The following PSD2 variants were observed in gnomAD, a reference collection of about 807,000 sequenced individuals.
The protein encoded by PSD2 is PH and SEC7 domain-containing protein 2.
In PSD2, 38 loss-of-function variants were observed where a neutral mutation model predicts 69.8. The ratio of observed to expected loss-of-function variants is 0.54; its 90% confidence interval spans 0.42 to 0.71. The LOEUF (loss-of-function observed/expected upper bound fraction) is 0.71, where lower values mean the gene tolerates loss of function less well. PSD2 is among the 30% of genes least tolerant of loss of function. PSD2 has a pLI of 0.00. For synonymous variants in PSD2, 412 were observed against 423.0 expected (o/e 0.97, Z 0.32); for missense variants, 943 against 1,014.5 (o/e 0.93, Z 0.96).
chr5:139,797,326 A>T (rs565180648), intron 1 of PSD2, among the ~76,000 whole-genome samples: 1 of 152,344 alleles, frequency 6.6e-6, no homozygotes, highest in East Asian at 1.9e-4. Context: ...AGAGCCCCCA[A>T]AAGATTCCCA....
chr5:139,803,986 G>A (rs974887219), intron 1 of PSD2, among the ~76,000 whole-genome samples: 3 of 152,158 alleles, frequency 2.0e-5, no homozygotes, highest in African/African-American at 7.2e-5. Flanking sequence ...GCTGCCAGTG[G>A]CCTAGCAGGT....
At chr5:139,787,856 T>C in the PSD2 span, among the ~76,000 whole-genome samples, 68 of 152,332 alleles carry the variant, frequency 4.5e-4, 1 homozygote, top group East Asian at 0.012. Flanking sequence ...ATCCGTGTTG[T>C]GTAACGGCAC....
the PSD2 span, among the ~76,000 whole-genome samples, chr5:139,759,101 C>G: frequency 6.6e-6 from 1 of 152,054 alleles, no homozygotes; most frequent in Non-Finnish European, 1.5e-5. Context: ...GAAATCTCTG[C>G]CCTGGTCTGG....
chr5:139,776,071 G>A, the PSD2 span, among the ~76,000 whole-genome samples: 1 of 152,192 alleles, frequency 6.6e-6, no homozygotes, highest in African/African-American at 2.4e-5. Flanking sequence ...AGGGGCCCTG[G>A]GGAGAGCTCA....
the PSD2 span, among the ~76,000 whole-genome samples, chr5:139,773,447 GA>G: frequency 6.6e-6 from 1 of 151,970 alleles, no homozygotes; most frequent in African/African-American, 2.4e-5. Context: ...TTTTTCTAGA[GA>G]CAGAGTCTTG....
the PSD2 span, among the ~76,000 whole-genome samples, chr5:139,776,602 C>T: frequency 6.6e-6 from 1 of 152,040 alleles, no homozygotes; most frequent in East Asian, 1.9e-4. Context: ...TGACCATCCC[C>T]TCTATTCACC....
intron 7 of PSD2, 29 bp downstream of exon 7, chr5:139,822,813 G>T: frequency 6.3e-7 from 1 of 1,591,018 alleles, no homozygotes; most frequent in Non-Finnish European, 8.6e-7. Flanking sequence ...GGGGGGTGTC[G>T]CATGTCCTCT....
chr5:139,821,911 C>G lies in PSD2; in HGVS notation c.1116C>G (p.Phe372Leu). 6.2e-7 allele frequency: 1 copy of G among 1,608,172 alleles called. No homozygotes were observed. Among genetic ancestry groups the G allele is most frequent in the Non-Finnish European group, 8.5e-7 (1 of 1,176,650 alleles). ...CTTCCAGAACATTCTTGAAGGCCTT[C>G]CCGCTGATGGGGGAGACACAAGAGC... ...DGALRTFLKA[F>L]PLMGETQERE... Residue 372 changes from phenylalanine (F) to leucine (L), a missense_variant, in exon 6 of 15, where the codon TTC (phenylalanine) becomes TTG (leucine). Around this residue, in one of 3 missense-constraint regions of PSD2, gnomAD observed 312 missense variants for 400.7 expected, o/e 0.78. Transcript: ENST00000274710.
chr5:139,772,857 T>G, the PSD2 span: 1 of 152,210 alleles, frequency 6.6e-6, no homozygotes, highest in Non-Finnish European at 1.5e-5. Flanking sequence ...CCGCAGGCTG[T>G]GAGCTCCAGG....
chr5:139,792,165 G>A (rs556916712), upstream of PSD2, among the ~76,000 whole-genome samples: 9 of 152,074 alleles, frequency 5.9e-5, no homozygotes, highest in Admixed American at 2.6e-4. Context: ...TTGGGGTCGT[G>A]GGGGTGCTGG....
the PSD2 span, among the ~76,000 whole-genome samples, chr5:139,766,928 C>CCTT: frequency 0.013 from 396 of 31,234 alleles, 26 homozygotes; most frequent in African/African-American, 0.043. Context: ...TTCCTTCCTT[C>CCTT]CCTTCTTTCT....
At chr5:139,811,489 A>G (rs890893877) in intron 2 of PSD2, among the ~76,000 whole-genome samples, 5 of 152,136 alleles carry the variant, frequency 3.3e-5, no homozygotes, top group African/African-American at 1.2e-4. Context: ...TTTGCACATC[A>G]TGGGCCTCAG....
intron 1 of PSD2, among the ~76,000 whole-genome samples, chr5:139,797,550 C>A (rs1759562096): frequency 6.6e-6 from 1 of 152,188 alleles, no homozygotes; most frequent in Non-Finnish European, 1.5e-5. Flanking sequence ...GCAGACCTGA[C>A]AAATAGTGCC....
chr5:139,766,402 C>A, the PSD2 span, among the ~76,000 whole-genome samples: 3 of 152,170 alleles, frequency 2.0e-5, no homozygotes, highest in African/African-American at 7.2e-5. Context: ...TTTTCACCTG[C>A]CTGGGCCTGT....
intron 7 of PSD2, among the ~76,000 whole-genome samples, chr5:139,830,329 A>G (rs60885531): frequency 0.019 from 2,682 of 138,746 alleles, 49 homozygotes; most frequent in African/African-American, 0.052. Context: ...GTTGTTTTTC[A>G]TCTCTTGATA....
In PSD2 at chr5:139,814,861, A is replaced by G. The variant is rs1240008213; in HGVS notation, c.1016+497A>G. Among the ~76,000 whole-genome samples the G allele has an allele frequency of 6.6e-6, 1 of 152,072 alleles. No individual in the cohort carries two copies. ...GGCCTTCAGACCAGGTGCAAAGGGA[A>G]CTGGCTAGATGAGGGCCCCAAAGGG... On this transcript the variant is annotated intron_variant, in intron 4 of 14. Transcript: ENST00000274710. This position sits in a 1 kb window ranked among gnomAD's most constrained non-coding sequence, Gnocchi z 4.4.
the PSD2 span, among the ~76,000 whole-genome samples, chr5:139,777,358 T>C: frequency 6.6e-6 from 1 of 152,160 alleles, no homozygotes; most frequent in Non-Finnish European, 1.5e-5. Context: ...GGGCCTCTTG[T>C]TGCAAACAGA....
At chr5:139,828,633 C>T (rs980838028) in intron 7 of PSD2, among the ~76,000 whole-genome samples, 2 of 152,212 alleles carry the variant, frequency 1.3e-5, no homozygotes. Flanking sequence ...CCCTCCCCTC[C>T]TCCCGAAGGA....
At chr5:139,792,583 G>T (rs1353106404), upstream of PSD2, among the ~76,000 whole-genome samples, 1 of 152,030 alleles carries the variant, frequency 6.6e-6, no homozygotes, top group African/African-American at 2.4e-5. Flanking sequence ...GGTGGGGGAG[G>T]AAAGGGAGGT....
Sources: allele counts gnomAD v4.1 joint callset (sites outside exome capture counted in the v4.1 genomes callset), GRCh38; gene constraint gnomAD v4.1.1; regional missense constraint gnomAD v4.1.1; non-coding constraint Gnocchi (gnomAD v3.1); transcripts MANE v1.5; gene names NCBI Gene and HGNC (gene_info 2026-07-23, HGNC 2026-07-21).